GMDS: variants seen among roughly 807,000 people sequenced by gnomAD.
The protein encoded by GMDS is GDP-mannose 4,6-dehydratase, also known as GDP-mannose 4,6 dehydratase.
GMDS carries 20 observed loss-of-function variants against 49.9 expected under a neutral mutation model. The ratio of observed to expected loss-of-function variants is 0.40; its 90% CI spans 0.28 to 0.58. GMDS has a LOEUF of 0.58. Among genes scored for constraint, GMDS ranks in the 20% least tolerant of loss-of-function variants. The probability of loss-of-function intolerance (pLI) is 0.42; values close to 1 mark genes in which losing one functional copy is unlikely to be tolerated. For synonymous variants in GMDS, 177 were observed against 178.6 expected (o/e 0.99, Z 0.07); for missense variants, 362 against 481.4 (o/e 0.75, Z 2.32).
chr6:1,827,316 T>C (rs1016360708), intron 7 of GMDS, among the ~76,000 whole-genome samples: 1 of 151,750 alleles, frequency 6.6e-6, no homozygotes, highest in Non-Finnish European at 1.5e-5. Flanking sequence ...AACCTGTATA[T>C]ACACACGTTT....
At chr6:1,855,967 T>C (rs1334094533) in intron 7 of GMDS, among the ~76,000 whole-genome samples, 1 of 152,192 alleles carries the variant, frequency 6.6e-6, no homozygotes, top group Non-Finnish European at 1.5e-5. Flanking sequence ...AAATACATAT[T>C]CATACAGACA....
At chr6:2,196,218 A>G (rs1290271968) in intron 1 of GMDS, among the ~76,000 whole-genome samples, 3 of 152,214 alleles carry the variant, frequency 2.0e-5, no homozygotes, top group African/African-American at 7.2e-5. Context: ...GCAAAACTAT[A>G]ATTATCAAGG....
intron 7 of GMDS, among the ~76,000 whole-genome samples, chr6:1,894,417 A>G (rs1368046854): frequency 6.6e-6 from 1 of 152,154 alleles, no homozygotes; most frequent in Non-Finnish European, 1.5e-5. Context: ...GTTATGGAAA[A>G]TTATTCCTTC....
At chr6:1,755,641 T>A (rs1767911584) in intron 7 of GMDS, among the ~76,000 whole-genome samples, 1 of 152,152 alleles carries the variant, frequency 6.6e-6, no homozygotes, top group Admixed American at 6.5e-5. Flanking sequence ...AAGACCACTG[T>A]ACCCAAAACA....
At chr6:1,664,955 A>C (rs1219465257) in intron 9 of GMDS, among the ~76,000 whole-genome samples, 1 of 152,244 alleles carries the variant, frequency 6.6e-6, no homozygotes, top group Non-Finnish European at 1.5e-5. Context: ...CTATGTGAAT[A>C]CAGATAGACT....
rs1466931008 is a variant in GMDS at position 2,245,478 on chromosome 6, C to T, written c.-56G>A. ...GGCGGAGCGCGGCAGAGGGCAGGCG[C>T]GGTGCCGGCAGGAACGCGGGGGTGT... is the stretch of plus-strand genomic sequence containing the variant. On this transcript the variant is annotated 5_prime_UTR_variant, in exon 1 of 11. Coordinates refer to ENST00000380815, the MANE Select transcript of GMDS (RefSeq NM_001500.4). 3 of 1,044,976 alleles carry T rather than the reference C, an allele frequency of 2.9e-6. No individual in the cohort carries two copies. The highest frequency in any genetic ancestry group is 1.7e-5 in the African/African-American group (1 of 58,810). 64.7% of individuals were successfully genotyped at this position (1,044,976 alleles called of 1,614,324 possible). A position where few individuals can be genotyped will look rare whatever the true frequency, so the allele number is the denominator to read the frequency against.
chr6:1,949,096 T>C (rs1325241354), intron 6 of GMDS: 2 of 876,266 alleles, frequency 2.3e-6, no homozygotes, highest in East Asian at 1.2e-4. Flanking sequence ...ATTCTCTAGC[T>C]TTCAGCATTG....
At chr6:2,097,730 A>C (rs1441606259) in intron 4 of GMDS, among the ~76,000 whole-genome samples, 1 of 152,118 alleles carries the variant, frequency 6.6e-6, no homozygotes, top group East Asian at 1.9e-4. Flanking sequence ...GTGAGCCTTT[A>C]CTCTAGGCTC....
At chr6:1,757,748 T>G (rs142271665) in intron 7 of GMDS, among the ~76,000 whole-genome samples, 3 of 152,304 alleles carry the variant, frequency 2.0e-5, no homozygotes, top group African/African-American at 4.8e-5. Flanking sequence ...TGCATTAAGG[T>G]GGATGTAGAC....
intron 4 of GMDS, among the ~76,000 whole-genome samples, chr6:2,056,752 A>G (rs1006403614): frequency 6.6e-6 from 1 of 152,090 alleles, no homozygotes; most frequent in Non-Finnish European, 1.5e-5. Context: ...ATCTTAACCA[A>G]CCAATCTTGT....
At chr6:2,023,332 G>C (rs991493767) in intron 4 of GMDS, among the ~76,000 whole-genome samples, 1 of 152,160 alleles carries the variant, frequency 6.6e-6, no homozygotes, top group African/African-American at 2.4e-5. Flanking sequence ...GCTACAAAAG[G>C]ACAGGACTTG....
intron 4 of GMDS, among the ~76,000 whole-genome samples, chr6:2,020,483 A>C (rs1158369498): frequency 6.6e-6 from 1 of 152,168 alleles, no homozygotes; most frequent in Non-Finnish European, 1.5e-5. Flanking sequence ...AATGCTTCCA[A>C]CTTCTTTAAA....
chr6:2,038,583 C>CAA lies in GMDS; in HGVS notation c.345+77186_345+77187dup, dbSNP rs60625263. 3.5e-4 allele frequency among the ~76,000 whole-genome samples: 53 copies of CAA among 150,450 alleles called. 1 individual carries two copies. Among genetic ancestry groups the CAA allele is most frequent in the Admixed American group, 1.4e-3 (21 of 15,112 alleles). On this transcript the variant is annotated intron_variant, in intron 4 of 10. Transcript: ENST00000380815. The stretch of plus-strand genomic sequence containing the variant: ...AACAAATATATATTTTAAAACACTG[C>CAA]AAAAAAAAACAGCTCTTCATATAAC...
At chr6:1,891,789 T>G (rs1759882964) in intron 7 of GMDS, among the ~76,000 whole-genome samples, 1 of 152,182 alleles carries the variant, frequency 6.6e-6, no homozygotes, top group African/African-American at 2.4e-5. Context: ...TTAACAAGAC[T>G]ACCAGGTCAT....
intron 4 of GMDS, among the ~76,000 whole-genome samples, chr6:2,104,198 A>G (rs1362496602): frequency 6.6e-6 from 1 of 152,122 alleles, no homozygotes; most frequent in Non-Finnish European, 1.5e-5. Flanking sequence ...TTTGACATGC[A>G]TATTATCTTA....
At chr6:2,039,034 C>T (rs2449976) in intron 4 of GMDS, among the ~76,000 whole-genome samples, 1 of 152,180 alleles carries the variant, frequency 6.6e-6, no homozygotes, top group African/African-American at 2.4e-5. Flanking sequence ...TTACATAAAC[C>T]TGGATGGTAC....
intron 9 of GMDS, among the ~76,000 whole-genome samples, chr6:1,630,543 C>T (rs1432642041): frequency 6.6e-6 from 1 of 152,230 alleles, no homozygotes; most frequent in Non-Finnish European, 1.5e-5. Flanking sequence ...GCAGTCTGAG[C>T]CAGCTGAGCA....
At chr6:1,642,465 G>A (rs1192482053) in intron 9 of GMDS, among the ~76,000 whole-genome samples, 4 of 152,032 alleles carry the variant, frequency 2.6e-5, no homozygotes, top group Admixed American at 2.0e-4. Flanking sequence ...CACCACACCC[G>A]GCCAGTTTCC....
Position 1,704,575 on chromosome 6 carries a change from G to A in GMDS, c.987+21841C>T, listed in dbSNP as rs75198563. Among the ~76,000 whole-genome samples the A allele has an allele frequency of 1.2e-3, 181 of 152,336 alleles. 2 individuals carry two copies. The East Asian group carries it at 0.032, about 27-fold the overall frequency. ...GAAAGGAAGAGGGCCAGGACAGGTG[G>A]ATGCGGAGCGTGAAAATATCTGTGT... On this transcript the variant is annotated intron_variant, in intron 9 of 10. Coordinates refer to ENST00000380815, the MANE Select transcript of GMDS (RefSeq NM_001500.4).
Sources: allele counts gnomAD v4.1 joint callset (sites outside exome capture counted in the v4.1 genomes callset), GRCh38; gene constraint gnomAD v4.1.1; transcripts MANE v1.5; gene names NCBI Gene and HGNC (gene_info 2026-07-23, HGNC 2026-07-21).